CPED1: variants seen among roughly 807,000 people sequenced by gnomAD.
CPED1 encodes cadherin-like and PC-esterase domain-containing protein 1.
CPED1 carries 114 observed loss-of-function variants against 128.2 expected under a neutral mutation model. The ratio of observed to expected loss-of-function variants is 0.89; its 90% CI spans 0.76 to 1.04. The LOEUF (loss-of-function observed/expected upper bound fraction) is 1.04. CPED1 is among the 50% of genes least tolerant of loss of function. The pLI is 0.00. For missense variants in CPED1, 1,211 were observed against 1,207.1 expected (o/e 1.00, Z -0.05); for synonymous variants, 462 against 426.7 (o/e 1.08, Z -1.02).
intron 16 of CPED1, among the ~76,000 whole-genome samples, chr7:121,189,760 T>TTTTATATATATATATATATATATA (rs1472274298): frequency 4.2e-5 from 2 of 47,468 alleles, no homozygotes; most frequent in African/African-American, 1.6e-4. Context: ...TTATGAGGTT[T>TTTTATATATATATATATATATATA]TATATATATA....
At chr7:121,038,280 A>G (rs1251047557) in intron 3 of CPED1, among the ~76,000 whole-genome samples, 2 of 152,130 alleles carry the variant, frequency 1.3e-5, no homozygotes, top group Admixed American at 6.6e-5. Context: ...GGTTTGCTGT[A>G]GACGGCTTTT....
chr7:121,019,790 A>G (rs879932353), intron 3 of CPED1, among the ~76,000 whole-genome samples: 1 of 151,946 alleles, frequency 6.6e-6, no homozygotes, highest in Non-Finnish European at 1.5e-5. Context: ...ATGCCCCTGC[A>G]TTTGTGAGAA....
intron 3 of CPED1, among the ~76,000 whole-genome samples, chr7:121,025,278 A>T (rs183842594): frequency 1.6e-4 from 24 of 152,142 alleles, no homozygotes; most frequent in African/African-American, 5.5e-4. Flanking sequence ...CTCCCCAATT[A>T]ACTGTCTATA....
chr7:121,184,388 A>G (rs1796959356), intron 16 of CPED1, among the ~76,000 whole-genome samples: 1 of 152,192 alleles, frequency 6.6e-6, no homozygotes, highest in Admixed American at 6.5e-5. Context: ...TTTCAGATAA[A>G]TGAGAAATAA....
At chr7:121,245,210 C>T (rs7792071) in intron 18 of CPED1, among the ~76,000 whole-genome samples, 2,493 of 151,976 alleles carry the variant, frequency 0.016, 70 homozygotes, top group African/African-American at 0.056. Flanking sequence ...ATAACAGGAG[C>T]TGAGGGGCAG....
At chr7:121,100,303 G>C (rs1336418091) in intron 7 of CPED1, among the ~76,000 whole-genome samples, 3 of 151,992 alleles carry the variant, frequency 2.0e-5, no homozygotes, top group Non-Finnish European at 4.4e-5. Flanking sequence ...GATCACAAAG[G>C]CTACATTCTT....
intron 7 of CPED1, among the ~76,000 whole-genome samples, chr7:121,105,113 A>C (rs912357296): frequency 1.3e-5 from 2 of 152,066 alleles, no homozygotes; most frequent in Non-Finnish European, 2.9e-5. Flanking sequence ...CTCTCACATC[A>C]ATACAATCAG....
intron 3 of CPED1, among the ~76,000 whole-genome samples, chr7:121,026,068 T>G (rs7808535): frequency 0.81 from 123,756 of 152,060 alleles, 50,579 homozygotes; most frequent in East Asian, 0.94. Flanking sequence ...GAGATCACTA[T>G]GATTTAGGCA....
At chr7:121,271,135 C>A in intron 21 of CPED1, 149 bp from the exon 22 acceptor site, 1 of 561,426 alleles carries the variant, frequency 1.8e-6, no homozygotes, top group Non-Finnish European at 3.0e-6. Context: ...TAGAACACAT[C>A]TTTATTTAAG....
chr7:121,138,753 T>C (rs1795835585), intron 14 of CPED1, among the ~76,000 whole-genome samples: 1 of 152,102 alleles, frequency 6.6e-6, no homozygotes, highest in Non-Finnish European at 1.5e-5. Flanking sequence ...TGTTATTCAC[T>C]TTGCTAGTTC....
chr7:121,262,123 C>G (rs1396120218), intron 18 of CPED1, among the ~76,000 whole-genome samples: 1 of 151,930 alleles, frequency 6.6e-6, no homozygotes, highest in African/African-American at 2.4e-5. Flanking sequence ...TTTAAAAGAG[C>G]CTGGCATGTC....
chr7:121,154,521 T>C (rs1022412554), intron 16 of CPED1, among the ~76,000 whole-genome samples: 1 of 151,582 alleles, frequency 6.6e-6, no homozygotes, highest in Admixed American at 6.6e-5. Flanking sequence ...AATTTTTTAT[T>C]TTTTATTTTA....
chr7:121,145,649 C>T (rs1353516115), intron 16 of CPED1, among the ~76,000 whole-genome samples: 2 of 152,090 alleles, frequency 1.3e-5, no homozygotes, highest in Non-Finnish European at 2.9e-5. Flanking sequence ...ATAGATTCCA[C>T]TTAAAATTCT....
At chr7:121,029,420 G>A (rs939103685) in intron 3 of CPED1, among the ~76,000 whole-genome samples, 2 of 152,148 alleles carry the variant, frequency 1.3e-5, no homozygotes, top group Admixed American at 6.5e-5. Context: ...AGTATAGAGT[G>A]AAATTTCAAA....
At chr7:121,162,619 A>G (rs1796437034) in intron 16 of CPED1, among the ~76,000 whole-genome samples, 1 of 152,252 alleles carries the variant, frequency 6.6e-6, no homozygotes, top group African/African-American at 2.4e-5. Flanking sequence ...ATTTACTAGC[A>G]GATTTCACTG....
chr7:121,151,510 G>T (rs1796157880), intron 16 of CPED1, among the ~76,000 whole-genome samples: 1 of 152,134 alleles, frequency 6.6e-6, no homozygotes, highest in Admixed American at 6.5e-5. Context: ...ATAACATTTT[G>T]GAATTGTGTG....
chr7:121,187,121 T>C (rs972320745), intron 16 of CPED1, among the ~76,000 whole-genome samples: 2 of 152,226 alleles, frequency 1.3e-5, no homozygotes, highest in East Asian at 3.8e-4. Context: ...GAGTTTATAA[T>C]ATATTTTATG....
chr7:121,076,098 A>C (rs12666340), intron 5 of CPED1, among the ~76,000 whole-genome samples: 70,114 of 151,868 alleles, frequency 0.46, 16,467 homozygotes, highest in East Asian at 0.61. Context: ...TCACTCTAAT[A>C]ATTTTGAATG....
intron 4 of CPED1, among the ~76,000 whole-genome samples, chr7:121,061,445 A>T (rs772367686): frequency 2.6e-5 from 4 of 152,236 alleles, no homozygotes; most frequent in Non-Finnish European, 4.4e-5. Context: ...TATATTAAAA[A>T]TGATAAAAAA....
Sources: gnomAD v4.1 joint callset for allele counts (sites outside exome capture counted in the v4.1 genomes callset) on GRCh38, gnomAD v4.1.1 for gene constraint, MANE v1.5 for transcripts, NCBI Gene and HGNC (gene_info 2026-07-23, HGNC 2026-07-21) for gene names.